PPFIBP1: variants seen among roughly 807,000 people sequenced by gnomAD.
The protein encoded by PPFIBP1 is liprin-beta-1.
In PPFIBP1, 112 loss-of-function variants were observed where a neutral mutation model predicts 137.8. The ratio of observed to expected loss-of-function variants is 0.81; its 90% confidence interval spans 0.70 to 0.95. PPFIBP1 has a LOEUF of 0.95. PPFIBP1 is among the 40% of genes least tolerant of loss of function. The probability of loss-of-function intolerance (pLI) is 0.00; values close to 1 mark genes in which losing one functional copy is unlikely to be tolerated. For synonymous variants in PPFIBP1, 378 were observed against 417.3 expected (o/e 0.91, Z 1.15); for missense variants, 1,083 against 1,196.6 (o/e 0.91, Z 1.40).
chr12:27,682,829 TGAG>T (rs1046534607), intron 24 of PPFIBP1, 126 bp downstream of exon 24: 33 of 1,461,858 alleles, frequency 2.3e-5, no homozygotes, highest in Non-Finnish European at 3.0e-5. Context: ...TGCTTGAACT[TGAG>T]GAGAGTGGCA....
At chr12:27,687,160 G>A (rs2061253145) in intron 24 of PPFIBP1, among the ~76,000 whole-genome samples, 1 of 152,204 alleles carries the variant, frequency 6.6e-6, no homozygotes, top group African/African-American at 2.4e-5. Context: ...CAGAGCATCT[G>A]GAAGAGAGAG....
chr12:27,667,921 T>C (rs1432601353), intron 13 of PPFIBP1, among the ~76,000 whole-genome samples: 3 of 152,214 alleles, frequency 2.0e-5, no homozygotes, highest in East Asian at 1.9e-4. Context: ...TCGCCTGTTA[T>C]GATTTATCTC....
chr12:27,635,297 G>A, intron 4 of PPFIBP1, 182 bp downstream of exon 4: 1 of 640,314 alleles, frequency 1.6e-6, no homozygotes, highest in South Asian at 2.0e-5. Flanking sequence ...AGTGCTATTA[G>A]TGTACATTTT....
rs3842650 is a variant in PPFIBP1 at position 27,644,244 on chromosome 12, G to GTTT, written c.271-1795_271-1793dup. ...GGCGCACACCACCAAGCTTGGCTAA[G>GTTT]TTTTTTTTTTTTTTTTTTTTTTTTT... On this transcript the variant is annotated intron_variant, in intron 4 of 29. Transcript: ENST00000228425. 3.6e-3 allele frequency among the ~76,000 whole-genome samples: 418 copies of GTTT among 117,672 alleles called. 14 individuals carry two copies. Among genetic ancestry groups the GTTT allele is most frequent in the Non-Finnish European group, 5.3e-3 (312 of 58,774 alleles). The allele number at this position is 117,672 out of a possible 152,430, so 77.2% of individuals were successfully genotyped here. A position where few individuals can be genotyped will look rare whatever the true frequency, so the allele number is the denominator to read the frequency against.
chr12:27,574,944 A>G (rs1346223147), intron 1 of PPFIBP1, among the ~76,000 whole-genome samples: 2 of 152,220 alleles, frequency 1.3e-5, no homozygotes, highest in Admixed American at 6.5e-5. Flanking sequence ...TAAGTTCCCA[A>G]CGAATATCAC....
chr12:27,572,323 A>G (rs776551387), intron 1 of PPFIBP1, among the ~76,000 whole-genome samples: 10 of 152,216 alleles, frequency 6.6e-5, no homozygotes, highest in Non-Finnish European at 1.3e-4. Flanking sequence ...CTCACACAGC[A>G]TATTACTCTA....
intron 2 of PPFIBP1, chr12:27,593,894 G>A (rs2052851980): frequency 1.3e-6 from 2 of 1,489,394 alleles, no homozygotes; most frequent in South Asian, 3.0e-5. Context: ...GTGGATGGAA[G>A]GACCCTTGGA....
At chr12:27,638,774 T>A (rs2057881964) in intron 4 of PPFIBP1, among the ~76,000 whole-genome samples, 1 of 152,222 alleles carries the variant, frequency 6.6e-6, no homozygotes, top group Non-Finnish European at 1.5e-5. Flanking sequence ...AACATTCCTC[T>A]GACTGAAGAG....
chr12:27,682,534 A>G (rs1316895151), intron 23 of PPFIBP1, 36 bp downstream of exon 23: 1 of 1,603,894 alleles, frequency 6.2e-7, no homozygotes. Flanking sequence ...TGAAATAATT[A>G]TATACATAGT....
intron 11 of PPFIBP1, 86 bp from the exon 12 acceptor site, chr12:27,664,276 T>C: frequency 1.2e-6 from 1 of 851,612 alleles, no homozygotes; most frequent in Non-Finnish European, 1.9e-6. Context: ...TTTATGTAAT[T>C]ACTATTCTTT....
intron 2 of PPFIBP1, among the ~76,000 whole-genome samples, chr12:27,618,300 GAAAA>G (rs1353829471): frequency 6.6e-6 from 1 of 152,114 alleles, no homozygotes; most frequent in Non-Finnish European, 1.5e-5. Flanking sequence ...AAGTTAACCC[GAAAA>G]ACTAGTTTAG....
rs369760737 is a variant in PPFIBP1 at position 27,582,439 on chromosome 12, C to G, written c.-36+4200C>G. On this transcript the variant is annotated intron_variant, in intron 2 of 29. Transcript: ENST00000228425. Reference sequence around the variant, plus strand: ...TAATGTTATGGTATTTTGGGGAAACCTGGGTTCTGACTCCGTCGTTTCAGT... The same window carrying G: ...TAATGTTATGGTATTTTGGGGAAACGTGGGTTCTGACTCCGTCGTTTCAGT... Among the ~76,000 whole-genome samples the G allele has an allele frequency of 2.0e-5, 3 of 152,222 alleles. No homozygotes were observed. In the East Asian group the frequency reaches 5.8e-4, roughly 29 times the overall value.
intron 2 of PPFIBP1, among the ~76,000 whole-genome samples, chr12:27,599,812 G>C (rs1486935525): frequency 6.6e-6 from 1 of 152,156 alleles, no homozygotes. Flanking sequence ...ACATTTGACA[G>C]AGTTTCTGAC....
intron 1 of PPFIBP1, among the ~76,000 whole-genome samples, chr12:27,555,457 C>T (rs900144475): frequency 4.6e-5 from 7 of 152,134 alleles, no homozygotes; most frequent in South Asian, 2.1e-4. Flanking sequence ...TTCACTCGAG[C>T]GGGCTAAATA....
In PPFIBP1 at chr12:27,579,147, G is replaced by T. The variant is rs115083782; in HGVS notation, c.-36+908G>T. Among the ~76,000 whole-genome samples the T allele has an allele frequency of 2.8e-3, 425 of 152,294 alleles. 1 individual carries two copies. Among genetic ancestry groups the T allele is most frequent in the African/African-American group, 9.2e-3 (382 of 41,558 alleles). ...TCCTGTCACACAGCTTTGGTACCTGGGTGGGGAGCTAAGAGATCTGTTGTC... is the reference window on the plus strand; with the variant it reads ...TCCTGTCACACAGCTTTGGTACCTGTGTGGGGAGCTAAGAGATCTGTTGTC... On this transcript the variant is annotated intron_variant, in intron 2 of 29. Coordinates refer to ENST00000228425, the MANE Select transcript of PPFIBP1 (RefSeq NM_003622.4).
intron 19 of PPFIBP1, chr12:27,677,405 T>C (rs749244668): frequency 1.6e-5 from 7 of 429,354 alleles, no homozygotes; most frequent in Non-Finnish European, 2.9e-5. Flanking sequence ...TTGCAGCTCT[T>C]TCAGCCTTGA....
rs749390404 is a variant in PPFIBP1, at chr12:27,667,180, T to C, written c.1006T>C (p.Tyr336His). The stretch of plus-strand genomic sequence containing the variant: ...TCTTTTCCTAGGCAAAGATGGAGAA[T>C]ATGAAGAGCTGCTCAATTCCAGTTC... ...AQGKKGKDGE[Y>H]EELLNSSSIS... Residue 336 changes from tyrosine to histidine, a missense_variant, in exon 13 of 30, where the codon TAT becomes CAT. By Grantham distance (83) the Tyr-to-His change is moderately conservative (BLOSUM62 2). Transcript: ENST00000228425. 52 of 1,593,398 alleles carry C rather than the reference T, an allele frequency of 3.3e-5. No individual in the cohort carries two copies. Among genetic ancestry groups the C allele is most frequent in the African/African-American group, 4.1e-5 (3 of 74,066 alleles).
intron 4 of PPFIBP1, among the ~76,000 whole-genome samples, chr12:27,645,329 T>A (rs542971706): frequency 6.6e-6 from 1 of 152,342 alleles, no homozygotes; most frequent in South Asian, 2.1e-4. Context: ...TTTGTGTGTC[T>A]TTTTCATGAC....
intron 2 of PPFIBP1, among the ~76,000 whole-genome samples, chr12:27,610,163 C>G (rs2054943095): frequency 6.6e-6 from 1 of 152,186 alleles, no homozygotes. Flanking sequence ...CAAATTAAAA[C>G]AGGTCTAAAT....
Sources: allele counts gnomAD v4.1 joint callset (sites outside exome capture counted in the v4.1 genomes callset), GRCh38; gene constraint gnomAD v4.1.1; transcripts MANE v1.5; gene names NCBI Gene and HGNC (gene_info 2026-07-23, HGNC 2026-07-21).